The following UBASH3B variants were observed in gnomAD, a reference collection of about 807,000 sequenced individuals.
UBASH3B encodes ubiquitin-associated and SH3 domain-containing protein B.
UBASH3B carries 37 observed loss-of-function variants against 83.4 expected under a neutral mutation model. The observed-to-expected ratio is 0.44, with a 90% CI of 0.34 to 0.58. The LOEUF (loss-of-function observed/expected upper bound fraction) is 0.58. UBASH3B is among the 20% of genes least tolerant of loss of function. The pLI is 0.01. For missense variants in UBASH3B, 657 were observed against 827.2 expected, an observed-to-expected ratio of 0.79 and a Z score of 2.52; for synonymous variants, 304 against 318.3, an observed-to-expected ratio of 0.96 and a Z score of 0.48.
chr11:122,736,568 T>C (rs1367586578), intron 1 of UBASH3B, among the ~76,000 whole-genome samples: 1 of 150,268 alleles, frequency 6.7e-6, no homozygotes, highest in Non-Finnish European at 1.5e-5. Flanking sequence ...GGTGGGGCTT[T>C]AGCGACGCTC....
intron 1 of UBASH3B, among the ~76,000 whole-genome samples, chr11:122,764,782 A>C (rs1860504938): frequency 6.6e-6 from 1 of 152,228 alleles, no homozygotes; most frequent in Non-Finnish European, 1.5e-5. Context: ...ATCCTTGGTC[A>C]CTGGAGTGCC....
intron 1 of UBASH3B, among the ~76,000 whole-genome samples, chr11:122,723,045 C>T (rs1334810287): frequency 6.6e-6 from 1 of 152,192 alleles, no homozygotes; most frequent in African/African-American, 2.4e-5. Context: ...ATAATACTGC[C>T]AGCCTTTGCA....
chr11:122,736,089 G>A (rs1860927758), intron 1 of UBASH3B, among the ~76,000 whole-genome samples: 1 of 152,178 alleles, frequency 6.6e-6, no homozygotes, highest in African/African-American at 2.4e-5. Flanking sequence ...TGGAGGTTCA[G>A]AAAGGGGAAA....
chr11:122,731,747 C>T (rs148631967), intron 1 of UBASH3B, among the ~76,000 whole-genome samples: 1 of 152,254 alleles, frequency 6.6e-6, no homozygotes, highest in East Asian at 1.9e-4. Flanking sequence ...ATTTTTGGAC[C>T]ACAGTTGACC....
At position 122,725,342 on chromosome 11, in the gene UBASH3B, A is replaced by AAAAAAG. The variant is rs71281633; in HGVS notation, c.162-50875_162-50874insAAAGAA. ...AGCACCATAAACAAAAAAAAAAAAA[A>AAAAAAG]AAGAAAAGAAAAGAAACAAACTCAA... On this transcript the variant is annotated intron_variant, in intron 1 of 13. Transcript: ENST00000284273. 7.6e-5 allele frequency among the ~76,000 whole-genome samples: 10 copies of AAAAAAG among 130,776 alleles called. 1 individual carries two copies. The highest frequency in any genetic ancestry group is 1.3e-4 in the Non-Finnish European group (8 of 61,632). 85.8% of individuals were successfully genotyped at this position (130,776 alleles called of 152,430 possible).
intron 2 of UBASH3B, among the ~76,000 whole-genome samples, chr11:122,776,480 C>T (rs1026770313): frequency 2.0e-5 from 3 of 152,156 alleles, no homozygotes; most frequent in Non-Finnish European, 4.4e-5. Flanking sequence ...AAAGAAAATT[C>T]TAAGTAATTC....
chr11:122,680,958 G>T (rs1863730592), intron 1 of UBASH3B, among the ~76,000 whole-genome samples: 1 of 152,148 alleles, frequency 6.6e-6, no homozygotes, highest in Admixed American at 6.6e-5. Context: ...TGAGCAGCCG[G>T]TCCCAGGGCA....
In UBASH3B at chr11:122,769,466, C is replaced by G. The variant is rs867076119; in HGVS notation, c.162-6753C>G. 9.8e-5 allele frequency among the ~76,000 whole-genome samples: 15 copies of G among 152,288 alleles called. 1 individual carries two copies. The Middle Eastern group carries it at 0.017, about 173-fold the overall frequency. On this transcript the variant is annotated intron_variant, in intron 1 of 13. Transcript: ENST00000284273. ...GAAGTGCCTGGTACATAAAGACCCT[C>G]AATTATGATAGACTCCCTTATCCTC...
intron 1 of UBASH3B, among the ~76,000 whole-genome samples, chr11:122,736,756 T>C (rs1404040755): frequency 6.6e-6 from 1 of 151,942 alleles, no homozygotes; most frequent in Non-Finnish European, 1.5e-5. Flanking sequence ...CTGGGAGATT[T>C]AAGGATCGGG....
intron 1 of UBASH3B, among the ~76,000 whole-genome samples, chr11:122,769,997 A>C (rs1345458286): frequency 6.6e-6 from 1 of 152,402 alleles, no homozygotes; most frequent in African/African-American, 2.4e-5. Flanking sequence ...ATGTAAGATC[A>C]TCTTAGCTAC....
chr11:122,710,293 A>G (rs987619069), intron 1 of UBASH3B, among the ~76,000 whole-genome samples: 3 of 152,326 alleles, frequency 2.0e-5, no homozygotes, highest in Admixed American at 2.0e-4. Context: ...CAGTTTAGGA[A>G]AGGCATTTAG....
chr11:122,750,294 A>G (rs1387269565), intron 1 of UBASH3B, among the ~76,000 whole-genome samples: 5 of 152,122 alleles, frequency 3.3e-5, no homozygotes, highest in African/African-American at 1.2e-4. Flanking sequence ...TACTTCCGGC[A>G]TATTGCTCAG....
intron 11 of UBASH3B, among the ~76,000 whole-genome samples, chr11:122,804,502 TC>T (rs1278726936): frequency 1.3e-5 from 2 of 152,130 alleles, no homozygotes; most frequent in African/African-American, 4.8e-5. Flanking sequence ...CAGGCCAGAC[TC>T]CAGACTCAGA....
At chr11:122,683,754 TGTGTGTGTGTGTGTGTGTGTGTGA>T (rs1400141930) in intron 1 of UBASH3B, among the ~76,000 whole-genome samples, 12 of 71,800 alleles carry the variant, frequency 1.7e-4, no homozygotes, top group Non-Finnish European at 4.8e-4. Context: ...TGTGTGTGTG[TGTGTGTGTGTGTGTGTGTGTGTGA>T]GCCAGGTTTC....
chr11:122,662,476 G>A (rs1368957785), intron 1 of UBASH3B, among the ~76,000 whole-genome samples: 1 of 149,210 alleles, frequency 6.7e-6, no homozygotes, highest in African/African-American at 2.5e-5. Context: ...TGCCCAGGCA[G>A]GAGTGCAATG....
At chr11:122,737,541 C>G (rs913274659) in intron 1 of UBASH3B, among the ~76,000 whole-genome samples, 4 of 152,038 alleles carry the variant, frequency 2.6e-5, no homozygotes, top group African/African-American at 9.7e-5. Context: ...GAATGAGGAG[C>G]GTCGCTAAAG....
chr11:122,730,659 G>A (rs528197253), intron 1 of UBASH3B, among the ~76,000 whole-genome samples: 8 of 150,740 alleles, frequency 5.3e-5, no homozygotes, highest in Non-Finnish European at 8.8e-5. Flanking sequence ...GCAATGGCAC[G>A]ATCTCGGCTC....
At chr11:122,720,760 T>G (rs2135943575) in intron 1 of UBASH3B, among the ~76,000 whole-genome samples, 1 of 152,266 alleles carries the variant, frequency 6.6e-6, no homozygotes, top group South Asian at 2.1e-4. Flanking sequence ...TTCATTACCT[T>G]TATCTAATCT....
At chr11:122,739,879 G>A (rs1242475080) in intron 1 of UBASH3B, among the ~76,000 whole-genome samples, 1 of 152,162 alleles carries the variant, frequency 6.6e-6, no homozygotes, top group Non-Finnish European at 1.5e-5. Context: ...GCACAGCCCT[G>A]AAGCCATTGC....
Sources: allele counts gnomAD v4.1 joint callset (sites outside exome capture counted in the v4.1 genomes callset), GRCh38; gene constraint gnomAD v4.1.1; transcripts MANE v1.5; gene names NCBI Gene and HGNC (gene_info 2026-07-23, HGNC 2026-07-21).